Variants in ANKS1B observed in about 807,000 individuals in gnomAD.
ANKS1B encodes the protein ankyrin repeat and sterile alpha motif domain-containing protein 1B.
A neutral mutation model predicts 148.3 loss-of-function variants in ANKS1B; 36 were observed. That is an observed-to-expected ratio of 0.24 (90% CI 0.19 to 0.32). The LOEUF (loss-of-function observed/expected upper bound fraction) is 0.32, where lower values mean the gene tolerates loss of function less well. Among genes scored for constraint, ANKS1B ranks in the 10% least tolerant of loss-of-function variants. ANKS1B has a pLI of 1.00. For missense variants in ANKS1B, 1,157 were observed against 1,542.6 expected (o/e 0.75, Z 4.19); for synonymous variants, 542 against 560.8 (o/e 0.97, Z 0.47).
chr12:99,677,591 C>T (rs888601624), intron 8 of ANKS1B, among the ~76,000 whole-genome samples: 5 of 152,218 alleles, frequency 3.3e-5, no homozygotes, highest in African/African-American at 1.2e-4. Context: ...TTGCAGTTAA[C>T]TCCTACTAGT....
At chr12:98,830,076 T>A (rs187808323) in intron 18 of ANKS1B, among the ~76,000 whole-genome samples, 1 of 152,204 alleles carries the variant, frequency 6.6e-6, no homozygotes, top group East Asian at 1.9e-4. Context: ...TTGATCTTTT[T>A]TTGTTCCCCT....
At chr12:99,259,527 C>T (rs184860458) in intron 12 of ANKS1B, among the ~76,000 whole-genome samples, 1 of 152,342 alleles carries the variant, frequency 6.6e-6, no homozygotes, top group Admixed American at 6.5e-5. Context: ...TGATTTCAAA[C>T]ATTTATAATC....
At chr12:98,807,750 T>C in intron 20 of ANKS1B, 94 bp downstream of exon 20, 1 of 1,000,164 alleles carries the variant, frequency 1.0e-6, no homozygotes, top group Non-Finnish European at 1.5e-6. Context: ...TTTTCTGCAT[T>C]GCCAGGACAC....
intron 8 of ANKS1B, among the ~76,000 whole-genome samples, chr12:99,682,291 C>T (rs2153485610): frequency 6.6e-6 from 1 of 152,206 alleles, no homozygotes; most frequent in East Asian, 1.9e-4. Context: ...ATTTTCTATC[C>T]AACAACTGCA....
At chr12:98,934,681 C>T (rs1386922284) in intron 17 of ANKS1B, among the ~76,000 whole-genome samples, 1 of 151,842 alleles carries the variant, frequency 6.6e-6, no homozygotes, top group Non-Finnish European at 1.5e-5. Flanking sequence ...CTTTCAACTT[C>T]TTAGTTGAGT....
chr12:99,682,037 T>C (rs2098622654), intron 8 of ANKS1B, among the ~76,000 whole-genome samples: 1 of 152,174 alleles, frequency 6.6e-6, no homozygotes, highest in South Asian at 2.1e-4. Flanking sequence ...CATTATGTAA[T>C]GATAAAAGGA....
At chr12:99,536,296 T>C (rs2097065352) in intron 9 of ANKS1B, among the ~76,000 whole-genome samples, 1 of 152,126 alleles carries the variant, frequency 6.6e-6, no homozygotes, top group African/African-American at 2.4e-5. Context: ...GGGATGTTGA[T>C]AATGGGGGAA....
At chr12:99,124,157 C>T (rs1171873494) in intron 15 of ANKS1B, among the ~76,000 whole-genome samples, 1 of 152,108 alleles carries the variant, frequency 6.6e-6, no homozygotes, top group Non-Finnish European at 1.5e-5. Context: ...GATCCAGAGA[C>T]TCTACGTAGG....
At chr12:99,285,196 T>G (rs1368686278) in intron 12 of ANKS1B, among the ~76,000 whole-genome samples, 1 of 152,204 alleles carries the variant, frequency 6.6e-6, no homozygotes, top group Non-Finnish European at 1.5e-5. Flanking sequence ...TTCTAGAATT[T>G]TATCTAAATG....
At chr12:99,868,142 C>T (rs943793069) in intron 1 of ANKS1B, among the ~76,000 whole-genome samples, 1 of 152,004 alleles carries the variant, frequency 6.6e-6, no homozygotes, top group African/African-American at 2.4e-5. Context: ...AATGAAACTG[C>T]CTTGGACTGA....
In ANKS1B at chr12:99,924,179, A is replaced by T. The variant is rs181827610; in HGVS notation, c.134+59925T>A. ...GAAAAGCAAACAAGTGGCATAAGCA[A>T]CAAGATGGATGGTGGTGGGCCTTTT... On this transcript the variant is annotated intron_variant, in intron 1 of 26. Transcript: ENST00000683438. Among the ~76,000 whole-genome samples, 8 of 152,278 alleles carry T rather than the reference A, an allele frequency of 5.3e-5. No individual in the cohort carries two copies. The East Asian group carries it at 1.5e-3, about 29-fold the overall frequency.
At position 99,777,876 on chromosome 12, in the gene ANKS1B, G is replaced by A. The variant is rs1284018384; in HGVS notation, c.847+1995C>T. ...TGGGATTACAGGCATGAGCCATCGC[G>A]CCTGGCCCATGCTTCAGTTTTTAAA... On this transcript the variant is annotated intron_variant, in intron 6 of 26. Coordinates refer to ENST00000683438, the MANE Select transcript of ANKS1B (RefSeq NM_001352186.2). Among the ~76,000 whole-genome samples, 8 of 151,092 alleles carry A rather than the reference G, an allele frequency of 5.3e-5. No individual in the cohort carries two copies. The East Asian group carries it at 1.0e-3, about 19-fold the overall frequency.
At chr12:99,895,871 C>CCCTG (rs1269443107) in intron 1 of ANKS1B, among the ~76,000 whole-genome samples, 1 of 151,204 alleles carries the variant, frequency 6.6e-6, no homozygotes, top group African/African-American at 2.4e-5. Context: ...GGCCATCTGC[C>CCCTG]CCTGCTTCAT....
chr12:99,486,910 G>A (rs2096496963), intron 10 of ANKS1B, among the ~76,000 whole-genome samples: 1 of 152,158 alleles, frequency 6.6e-6, no homozygotes, highest in South Asian at 2.1e-4. Context: ...ACCCTGACAT[G>A]TTTCAGAAAG....
chr12:99,581,681 G>A (rs1037730051), intron 9 of ANKS1B, among the ~76,000 whole-genome samples: 3 of 151,824 alleles, frequency 2.0e-5, no homozygotes, highest in Non-Finnish European at 2.9e-5. Flanking sequence ...ATGAGGTCAG[G>A]AGATCGAGAC....
intron 8 of ANKS1B, among the ~76,000 whole-genome samples, chr12:99,666,857 G>GTGT (rs1555536182): frequency 7.5e-6 from 1 of 132,536 alleles, no homozygotes; most frequent in African/African-American, 2.7e-5. Context: ...GTTACTATGG[G>GTGT]GTGTGTGTGT....
At position 99,590,258 on chromosome 12, in the gene ANKS1B, C is replaced by CCACCCACACA. The variant is rs1555503127; in HGVS notation, c.1272+64808_1272+64809insTGTGTGGGTG. ...AACATTCACTCACACCCACACCCAC[C>CCACCCACACA]CACACACACACACACACACACACAC... On this transcript the variant is annotated intron_variant, in intron 9 of 26. Transcript: ENST00000683438. Among the ~76,000 whole-genome samples, 181 of 132,854 alleles carry CCACCCACACA rather than the reference C, an allele frequency of 1.4e-3. 1 individual carries two copies. Among genetic ancestry groups the CCACCCACACA allele is most frequent in the African/African-American group, 4.1e-3 (154 of 37,464 alleles). 87.2% of individuals were successfully genotyped at this position (132,854 alleles called of 152,430 possible). A position where few individuals can be genotyped will look rare whatever the true frequency, so the allele number is the denominator to read the frequency against.
rs541497073 is a variant in ANKS1B, at chr12:99,079,770, AGCTTGTTATAATTCT to A, written c.2625+5140_2625+5154del. 8.9e-4 allele frequency: 135 copies of A among 152,364 alleles called. 1 individual carries two copies. Among genetic ancestry groups the A allele is most frequent in the African/African-American group, 3.1e-3 (130 of 41,570 alleles). The allele number at this position is 152,364 out of a possible 1,614,324, so 9.4% of individuals were successfully genotyped here. On this transcript the variant is annotated intron_variant, in intron 16 of 26. Transcript: ENST00000683438. ...CTTGCAAGAAGACAGACGAAGAAAC[AGCTTGTTATAATTCT>A]CTCTGCTTGCAACAAAACTGGCTGA... is the stretch of plus-strand genomic sequence containing the variant.
At chr12:99,184,093 A>C (rs1004759010) in intron 14 of ANKS1B, among the ~76,000 whole-genome samples, 1 of 152,228 alleles carries the variant, frequency 6.6e-6, no homozygotes, top group African/African-American at 2.4e-5. Context: ...TTAGAATCTT[A>C]TTCATTAAAC....
Sources: allele counts gnomAD v4.1 joint callset (sites outside exome capture counted in the v4.1 genomes callset), GRCh38; gene constraint gnomAD v4.1.1; transcripts MANE v1.5; gene names NCBI Gene and HGNC (gene_info 2026-07-23, HGNC 2026-07-21).